The following OSBPL9 variants were observed in gnomAD, a reference collection of about 807,000 sequenced individuals.
The protein encoded by OSBPL9 is oxysterol binding protein like 9.
Under a neutral mutation model 106.6 loss-of-function variants are expected in OSBPL9, and 40 were observed. That is an observed-to-expected ratio of 0.38 (90% CI 0.29 to 0.49). The LOEUF is 0.49. Ranked by LOEUF, OSBPL9 falls within the 20% of genes least tolerant of loss-of-function variation. The pLI is 0.97. For synonymous variants in OSBPL9, 269 were observed against 295.4 expected, an observed-to-expected ratio of 0.91 and a Z score of 0.92; for missense variants, 609 against 887.2, an observed-to-expected ratio of 0.69 and a Z score of 3.98.
intron 2 of OSBPL9, among the ~76,000 whole-genome samples, chr1:51,598,883 A>G (rs1645314877): frequency 6.6e-6 from 1 of 151,782 alleles, no homozygotes; most frequent in Admixed American, 6.6e-5. Flanking sequence ...AATCCCAGCT[A>G]CTCAGGAGGC....
upstream of OSBPL9, among the ~76,000 whole-genome samples, chr1:51,573,179 T>A (rs1645160926): frequency 6.8e-6 from 1 of 146,128 alleles, no homozygotes; most frequent in South Asian, 2.2e-4. Context: ...GCCACTACAC[T>A]CCAGCCTGGG....
In OSBPL9 at chr1:51,760,712, C is replaced by T. The variant is rs771826498; in HGVS notation, c.605C>T (p.Ala202Val). The T allele has an allele frequency of 1.2e-6, 2 of 1,613,782 alleles. No homozygotes were observed. The highest frequency in any genetic ancestry group is 1.7e-6 in the Non-Finnish European group (2 of 1,179,834). The change falls in exon 10 of 24, where the codon GCA becomes GTA. Residue 202 changes from alanine to valine, a missense_variant. Around this residue, in one of 5 missense-constraint regions of OSBPL9, gnomAD observed 356 missense variants for 505.8 expected, o/e 0.70. Coordinates refer to ENST00000428468, the MANE Select transcript of OSBPL9 (RefSeq NM_024586.6). ...TAGAGTACTATTAATCCCGTAGATG[C>T]AATATATCAACCTAGTCCTTTGGAA... ...GMISTINPVD[A>V]IYQPSPLEPV... is the part of the protein sequence containing the mutation.
chr1:51,700,433 A>G (rs1488991322), intron 3 of OSBPL9, among the ~76,000 whole-genome samples: 1 of 152,212 alleles, frequency 6.6e-6, no homozygotes, highest in Non-Finnish European at 1.5e-5. Context: ...CCAGGATTCA[A>G]TCCAGGATGC....
At chr1:51,778,684 G>A (rs1373187264) in intron 15 of OSBPL9, among the ~76,000 whole-genome samples, 3 of 152,056 alleles carry the variant, frequency 2.0e-5, no homozygotes, top group South Asian at 2.1e-4. Context: ...AAATTCATCC[G>A]TCAGGGTCTC....
intron 1 of OSBPL9, among the ~76,000 whole-genome samples, chr1:51,639,681 G>T (rs72896088): frequency 0.13 from 19,253 of 152,114 alleles, 1,363 homozygotes; most frequent in Middle Eastern, 0.22. Flanking sequence ...CTCACTTTTA[G>T]CTGTGAGAGA....
the OSBPL9 span, chr1:51,567,245 C>A: frequency 1.1e-4 from 16 of 152,220 alleles, no homozygotes; most frequent in Non-Finnish European, 1.8e-4. Flanking sequence ...GCCCAGCATA[C>A]TAGGTAGTCA....
chr1:51,720,792 ATTTTTTT>A (rs34137715), intron 4 of OSBPL9, among the ~76,000 whole-genome samples: 279 of 101,128 alleles, frequency 2.8e-3, no homozygotes, highest in East Asian at 4.7e-3. Context: ...TCAAATTGGA[ATTTTTTT>A]TTTTTTTTTT....
At chr1:51,634,665 A>G (rs1645310111) in intron 1 of OSBPL9, among the ~76,000 whole-genome samples, 1 of 152,166 alleles carries the variant, frequency 6.6e-6, no homozygotes, top group Admixed American at 6.5e-5. Context: ...GTTGTGGGGA[A>G]GGGGTTGCTG....
intron 1 of OSBPL9, among the ~76,000 whole-genome samples, chr1:51,631,064 G>T (rs1168995409): frequency 6.6e-6 from 1 of 152,176 alleles, no homozygotes; most frequent in African/African-American, 2.4e-5. Context: ...TCACTCTGAG[G>T]TTAGGGATTT....
At chr1:51,749,987 A>G (rs1668900353) in intron 7 of OSBPL9, among the ~76,000 whole-genome samples, 158 bp from the exon 8 acceptor site, 1 of 152,128 alleles carries the variant, frequency 6.6e-6, no homozygotes, top group East Asian at 1.9e-4. Context: ...ATTTGGCATT[A>G]TCAGCATACT....
chr1:51,700,869 A>G (rs1309489391), intron 3 of OSBPL9, among the ~76,000 whole-genome samples: 1 of 151,916 alleles, frequency 6.6e-6, no homozygotes, highest in Non-Finnish European at 1.5e-5. Context: ...ATCTTGCCTG[A>G]TGTAATTATT....
intron 2 of OSBPL9, among the ~76,000 whole-genome samples, chr1:51,663,684 G>T (rs1037686066): frequency 1.3e-5 from 2 of 152,134 alleles, no homozygotes; most frequent in Admixed American, 6.5e-5. Flanking sequence ...TTCATCAAAA[G>T]ATATCATTAT....
chr1:51,781,136 CATTAA>C (rs1676289579), intron 15 of OSBPL9, 23 bp from the exon 16 acceptor site: 1 of 1,606,796 alleles, frequency 6.2e-7, no homozygotes, highest in Non-Finnish European at 8.5e-7. Context: ...GAAAGCAGGA[CATTAA>C]ATTTTGTCTT....
intron 7 of OSBPL9, chr1:51,749,585 A>G: frequency 5.3e-6 from 2 of 380,676 alleles, no homozygotes; most frequent in South Asian, 3.9e-5. Flanking sequence ...CAGTGGGATT[A>G]CAGGTGTGAA....
At chr1:51,530,170 C>CAAAAAAAAAAAAAACAAA in the OSBPL9 span, among the ~76,000 whole-genome samples, 1 of 11,036 alleles carries the variant, frequency 9.1e-5, no homozygotes, top group Non-Finnish European at 1.6e-4. Context: ...GACTCTGTCT[C>CAAAAAAAAAAAAAACAAA]AAAAAAAAAA....
At chr1:51,742,164 A>G (rs1667072807) in intron 4 of OSBPL9, among the ~76,000 whole-genome samples, 1 of 152,198 alleles carries the variant, frequency 6.6e-6, no homozygotes, top group Non-Finnish European at 1.5e-5. Flanking sequence ...TGATGAATGA[A>G]TGGCATAGTT....
chr1:51,748,697 ATAAT>A (rs1212453207), intron 7 of OSBPL9, among the ~76,000 whole-genome samples: 1 of 152,204 alleles, frequency 6.6e-6, no homozygotes, highest in Non-Finnish European at 1.5e-5. Flanking sequence ...TTTAAAAAAA[ATAAT>A]TAATTTCTTT....
At chr1:51,600,722 C>T (rs1645322160) in intron 2 of OSBPL9, among the ~76,000 whole-genome samples, 1 of 152,118 alleles carries the variant, frequency 6.6e-6, no homozygotes, top group African/African-American at 2.4e-5. Context: ...ATAAGGATTA[C>T]TTGAGGTACT....
intron 2 of OSBPL9, among the ~76,000 whole-genome samples, chr1:51,657,422 TGAG>T (rs1177617806): frequency 6.6e-6 from 1 of 152,220 alleles, no homozygotes. Context: ...ATTTTGCAGA[TGAG>T]GAGACTGAGA....
Sources: allele counts gnomAD v4.1 joint callset (sites outside exome capture counted in the v4.1 genomes callset), GRCh38; gene constraint gnomAD v4.1.1; regional missense constraint gnomAD v4.1.1; transcripts MANE v1.5; gene names NCBI Gene and HGNC (gene_info 2026-07-23, HGNC 2026-07-21).